The following PLD5 variants were observed in gnomAD, a reference collection of about 807,000 sequenced individuals.
PLD5 encodes the protein inactive phospholipase D5.
Under a neutral mutation model 61.1 loss-of-function variants are expected in PLD5, and 36 were observed. The observed-to-expected ratio is 0.59, with a 90% CI of 0.45 to 0.78. The LOEUF is 0.78. Ranked by LOEUF, PLD5 falls within the 30% of genes least tolerant of loss-of-function variation. The probability of loss-of-function intolerance (pLI) is 0.00; values close to 1 mark genes in which losing one functional copy is unlikely to be tolerated. For synonymous variants in PLD5, 243 were observed against 242.8 expected (o/e 1.00, Z -0.01); for missense variants, 515 against 644.4 (o/e 0.80, Z 2.17).
At chr1:242,400,622 A>G (rs562997127) in intron 1 of PLD5, among the ~76,000 whole-genome samples, 1 of 152,074 alleles carries the variant, frequency 6.6e-6, no homozygotes, top group Non-Finnish European at 1.5e-5. Flanking sequence ...TATCATTACT[A>G]TTTTCCAGAT....
intron 2 of PLD5, among the ~76,000 whole-genome samples, chr1:242,308,510 T>C (rs1429238653): frequency 6.6e-6 from 1 of 152,202 alleles, no homozygotes; most frequent in African/African-American, 2.4e-5. Flanking sequence ...TAAAATTATT[T>C]AAACATATTA....
rs929229471 is a variant in PLD5 at position 242,086,824 on chromosome 1, T to C, written c.*3030A>G. 3 of 152,220 alleles carry C rather than the reference T, an allele frequency of 2.0e-5. No individual in the cohort carries two copies. Among genetic ancestry groups the C allele is most frequent in the African/African-American group, 7.2e-5 (3 of 41,448 alleles). 9.4% of individuals were successfully genotyped at this position (152,220 alleles called of 1,614,324 possible). A position where few individuals can be genotyped will look rare whatever the true frequency, so the allele number is the denominator to read the frequency against. Reference sequence around the variant, plus strand: ...GATATAGTCTCTAATTGTGTTTGTTTTCCTTTTTGCCTCTTGGGAAATAAA... The same window carrying C: ...GATATAGTCTCTAATTGTGTTTGTTCTCCTTTTTGCCTCTTGGGAAATAAA... On this transcript the variant is annotated 3_prime_UTR_variant, in exon 10 of 10. Transcript: ENST00000536534.
chr1:242,102,805 T>C lies in PLD5; in HGVS notation c.1240-2023A>G, dbSNP rs539110713. 4.6e-5 allele frequency among the ~76,000 whole-genome samples: 7 copies of C among 152,338 alleles called. No individual in the cohort carries two copies. The South Asian group carries it at 1.4e-3, about 32-fold the overall frequency. ...TTGATGCTTAGAAGTGTATGGCCTC[T>C]GTTTTATAAAATGGCTATATGTGAA... On this transcript the variant is annotated intron_variant, in intron 8 of 9. Transcript: ENST00000536534.
At chr1:242,243,587 G>A (rs916355183) in intron 4 of PLD5, among the ~76,000 whole-genome samples, 1 of 152,170 alleles carries the variant, frequency 6.6e-6, no homozygotes, top group East Asian at 1.9e-4. Context: ...TACATGGCAG[G>A]AATTCAATTC....
At chr1:242,173,242 C>T (rs1654211862) in intron 5 of PLD5, among the ~76,000 whole-genome samples, 2 of 152,300 alleles carry the variant, frequency 1.3e-5, no homozygotes, top group Middle Eastern at 3.4e-3. Context: ...AAATCACAAG[C>T]ATTCCTCTAT....
At chr1:242,226,443 CT>C (rs1488687437) in intron 4 of PLD5, among the ~76,000 whole-genome samples, 1 of 152,188 alleles carries the variant, frequency 6.6e-6, no homozygotes, top group Non-Finnish European at 1.5e-5. Flanking sequence ...TCAAAATAAT[CT>C]TTTTTGATGC....
At chr1:242,263,246 C>T in intron 4 of PLD5, among the ~76,000 whole-genome samples, 1 of 151,598 alleles carries the variant, frequency 6.6e-6, no homozygotes, top group Non-Finnish European at 1.5e-5. Flanking sequence ...TTTCTATATT[C>T]AGTAACTCTT....
At chr1:242,368,864 C>T (rs537767342) in intron 1 of PLD5, among the ~76,000 whole-genome samples, 1 of 152,264 alleles carries the variant, frequency 6.6e-6, no homozygotes, top group East Asian at 1.9e-4. Context: ...GAATTAATTT[C>T]TTGGGTTGCT....
chr1:242,354,494 A>G (rs1177648854), intron 1 of PLD5, among the ~76,000 whole-genome samples: 1 of 152,178 alleles, frequency 6.6e-6, no homozygotes, highest in African/African-American at 2.4e-5. Flanking sequence ...TTGCTGTTGA[A>G]TTATTTCCTG....
intron 5 of PLD5, among the ~76,000 whole-genome samples, chr1:242,147,867 A>G (rs1413547130): frequency 1.3e-5 from 2 of 152,040 alleles, no homozygotes; most frequent in African/African-American, 4.8e-5. Context: ...CTCTTTTCCT[A>G]TTAAATTTTG....
intron 5 of PLD5, among the ~76,000 whole-genome samples, chr1:242,167,105 A>T (rs1252279690): frequency 6.9e-6 from 1 of 144,954 alleles, no homozygotes; most frequent in Non-Finnish European, 1.5e-5. Context: ...AATAATAATA[A>T]TAATAATAAT....
intron 2 of PLD5, among the ~76,000 whole-genome samples, chr1:242,337,586 A>G (rs1032160711): frequency 2.0e-5 from 3 of 152,210 alleles, no homozygotes; most frequent in African/African-American, 7.2e-5. Flanking sequence ...AGCCAAGACC[A>G]TGCCATTGCA....
intron 2 of PLD5, among the ~76,000 whole-genome samples, chr1:242,325,273 C>T (rs1278110207): frequency 6.6e-6 from 1 of 151,274 alleles, no homozygotes; most frequent in Admixed American, 6.6e-5. Flanking sequence ...ATTTATACAC[C>T]AATGTGCTGT....
In PLD5 at chr1:242,220,019, C is replaced by T. The variant is rs1670463954; in HGVS notation, c.704G>A (p.Ser235Asn). ...CAGGGATTGCCAGTCCAAACCGGCA[C>T]TGCCGATATACACGTGCTGTTTGTC... ...IVDKQHVYIG[S>N]AGLDWQSLGQ... Residue 235 changes from serine to asparagine, a missense_variant, in exon 5 of 10, where the codon AGT (serine) becomes AAT (asparagine). By Grantham distance (46) the Ser-to-Asn change is conservative. This residue lies in a region of PLD5 where 450 missense variants were observed against 598.1 expected (regional missense o/e 0.75). Transcript: ENST00000536534. 1 of 1,614,090 alleles carries T rather than the reference C, an allele frequency of 6.2e-7. No individual in the cohort carries two copies.
chr1:242,528,142 T>C (rs2103018661), upstream of PLD5, among the ~76,000 whole-genome samples: 1 of 152,336 alleles, frequency 6.6e-6, no homozygotes, highest in Non-Finnish European at 1.5e-5. Flanking sequence ...TAGATTTTAG[T>C]ACTAGATCCT....
rs537193003 is a variant in PLD5, at chr1:242,147,743, G to C, written c.736-23078C>G. On this transcript the variant is annotated intron_variant, in intron 5 of 9. Coordinates refer to ENST00000536534, the MANE Select transcript of PLD5 (RefSeq NM_001372062.1). ...TAGCTGTGCATTGGTGCCACATTGT[G>C]GTTTTAATTTGCATTTCTTTAATGA... Among the ~76,000 whole-genome samples the C allele has an allele frequency of 9.9e-5, 15 of 152,164 alleles. No homozygotes were observed. In the East Asian group the frequency reaches 2.7e-3, roughly 27 times the overall value.
At chr1:242,472,416 T>C (rs905586) in intron 1 of PLD5, among the ~76,000 whole-genome samples, 105,902 of 152,172 alleles carry the variant, frequency 0.7, 37,755 homozygotes, top group African/African-American at 0.85. Flanking sequence ...CTGATCATTC[T>C]TATGAGTTTG....
At chr1:242,407,998 A>G (rs561163446) in intron 1 of PLD5, among the ~76,000 whole-genome samples, 1 of 150,842 alleles carries the variant, frequency 6.6e-6, no homozygotes, top group Non-Finnish European at 1.5e-5. Context: ...AATATTTTTT[A>G]TTTTTTTAAT....
At chr1:242,120,264 C>A (rs181660489) in intron 6 of PLD5, among the ~76,000 whole-genome samples, 1 of 152,136 alleles carries the variant, frequency 6.6e-6, no homozygotes, top group Non-Finnish European at 1.5e-5. Context: ...TGCAAAACTG[C>A]GACTATACTC....
Sources: gnomAD v4.1 joint callset for allele counts (sites outside exome capture counted in the v4.1 genomes callset) on GRCh38, gnomAD v4.1.1 for gene constraint, gnomAD v4.1.1 regional missense constraint, MANE v1.5 for transcripts, NCBI Gene and HGNC (gene_info 2026-07-23, HGNC 2026-07-21) for gene names.